BRD4: variants seen among roughly 807,000 people sequenced by gnomAD.
The protein encoded by BRD4 is bromodomain containing 4.
BRD4 carries 16 observed loss-of-function variants against 142.1 expected under a neutral mutation model. The ratio of observed to expected loss-of-function variants is 0.11; its 90% CI spans 0.08 to 0.17. BRD4 has a LOEUF of 0.17. Ranked by LOEUF, BRD4 falls within the 10% of genes least tolerant of loss-of-function variation. BRD4 has a pLI of 1.00. For missense variants in BRD4, 1,424 were observed against 1,810.9 expected, an observed-to-expected ratio of 0.79 and a Z score of 3.88; for synonymous variants, 833 against 707.5, an observed-to-expected ratio of 1.18 and a Z score of -2.82.
intron 1 of BRD4, among the ~76,000 whole-genome samples, chr19:15,329,483 G>C (rs1300343237): frequency 6.6e-6 from 1 of 152,172 alleles, no homozygotes; most frequent in Non-Finnish European, 1.5e-5. Flanking sequence ...GCTCATGCCT[G>C]TAAACCCAGT....
chr19:15,245,096 C>CT (rs570282029), intron 11 of BRD4: 89 of 420,720 alleles, frequency 2.1e-4, no homozygotes, highest in Non-Finnish European at 3.3e-4. Context: ...ACTATAGTGA[C>CT]TGAGTGCATG....
intron 14 of BRD4, among the ~76,000 whole-genome samples, chr19:15,241,749 G>A (rs1181550035): frequency 2.0e-5 from 3 of 152,002 alleles, no homozygotes; most frequent in African/African-American, 7.3e-5. Context: ...ATTTCCCAGG[G>A]AGGACAGGCA....
intron 1 of BRD4, among the ~76,000 whole-genome samples, chr19:15,292,700 C>T (rs1017276564): frequency 1.6e-4 from 22 of 141,784 alleles, no homozygotes; most frequent in African/African-American, 5.8e-4. Flanking sequence ...ATGGTATAAA[C>T]CTGGGAGGCG....
Position 15,237,571 on chromosome 19 carries a change from A to G in BRD4, c.*806T>C, listed in dbSNP as rs201350886. ...AGATAAGCAGTGCCATTGTGTCTGG[A>G]GGAGAAGAGAGAATTAAAAATAAAA... On this transcript the variant is annotated 3_prime_UTR_variant, in exon 20 of 20. Coordinates refer to ENST00000679869, the MANE Select transcript of BRD4 (RefSeq NM_001379291.1). 8 of 221,212 alleles carry G rather than the reference A, an allele frequency of 3.6e-5. No homozygotes were observed. Among genetic ancestry groups the G allele is most frequent in the Non-Finnish European group, 6.3e-5 (7 of 110,696 alleles). The allele number at this position is 221,212 out of a possible 1,614,324, so 13.7% of individuals were successfully genotyped here. A position where few individuals can be genotyped will look rare whatever the true frequency, so the allele number is the denominator to read the frequency against.
chr19:15,251,557 G>A (rs1022301271), intron 11 of BRD4, among the ~76,000 whole-genome samples: 1 of 150,728 alleles, frequency 6.6e-6, no homozygotes, highest in Non-Finnish European at 1.5e-5. Context: ...TGCCTGTAAC[G>A]GGCCATGGAC....
intron 1 of BRD4, among the ~76,000 whole-genome samples, chr19:15,283,958 A>G (rs1258665840): frequency 6.6e-6 from 1 of 152,040 alleles, no homozygotes; most frequent in Non-Finnish European, 1.5e-5. Context: ...GCCAAACTAG[A>G]CCTTTGATGG....
chr19:15,331,436 G>A (rs1162874930), intron 1 of BRD4, among the ~76,000 whole-genome samples: 2 of 152,154 alleles, frequency 1.3e-5, no homozygotes, highest in Admixed American at 6.5e-5. Context: ...ACACAACACT[G>A]CAAATAAAAT....
At chr19:15,272,664 A>G in intron 2 of BRD4, 151 bp downstream of exon 2, 1 of 670,060 alleles carries the variant, frequency 1.5e-6, no homozygotes, top group South Asian at 2.0e-5. Flanking sequence ...AACTGATCAG[A>G]ACTGCTGAAA....
At chr19:15,330,773 T>G (rs1048926351) in intron 1 of BRD4, among the ~76,000 whole-genome samples, 15 of 152,146 alleles carry the variant, frequency 9.9e-5, no homozygotes. Flanking sequence ...TCTAAAAGTA[T>G]ATGTATATAT....
At chr19:15,329,406 G>C (rs1303394163) in intron 1 of BRD4, among the ~76,000 whole-genome samples, 1 of 152,232 alleles carries the variant, frequency 6.6e-6, no homozygotes, top group South Asian at 2.1e-4. Context: ...TAACAGCCCA[G>C]GGTCTTCAAA....
At chr19:15,267,357 T>G in intron 4 of BRD4, 59 bp downstream of exon 4, 1 of 1,590,342 alleles carries the variant, frequency 6.3e-7, no homozygotes, top group East Asian at 2.2e-5. Context: ...CCCACCAAAC[T>G]TGGAAAAGGG....
chr19:15,248,551 G>A (rs963231030), intron 11 of BRD4: 4 of 224,012 alleles, frequency 1.8e-5, no homozygotes, highest in East Asian at 6.5e-5. Flanking sequence ...TTGAGAAGAC[G>A]GAGGCCAAAG....
At chr19:15,260,951 T>C (rs1419240832) in intron 7 of BRD4, among the ~76,000 whole-genome samples, 1 of 152,214 alleles carries the variant, frequency 6.6e-6, no homozygotes, top group Non-Finnish European at 1.5e-5. Context: ...TGCTTTTTCT[T>C]TTCTTTCTCT....
intron 1 of BRD4, among the ~76,000 whole-genome samples, chr19:15,294,851 G>A (rs1398025023): frequency 6.6e-6 from 1 of 152,174 alleles, no homozygotes; most frequent in African/African-American, 2.4e-5. Flanking sequence ...TGAAGTAGCA[G>A]GCAGTCAAGG....
chr19:15,297,962 G>C (rs946054990), intron 1 of BRD4, among the ~76,000 whole-genome samples: 5 of 152,198 alleles, frequency 3.3e-5, no homozygotes, highest in African/African-American at 1.2e-4. Context: ...GAAAGAAAAG[G>C]AAGCATTACA....
intron 1 of BRD4, among the ~76,000 whole-genome samples, chr19:15,301,284 C>T (rs1339300775): frequency 1.3e-5 from 2 of 152,210 alleles, no homozygotes; most frequent in African/African-American, 2.4e-5. Context: ...GCTGAGGAGC[C>T]GGACACGGTG....
At chr19:15,282,302 G>A (rs1193569182) in intron 1 of BRD4, among the ~76,000 whole-genome samples, 1 of 152,256 alleles carries the variant, frequency 6.6e-6, no homozygotes, top group African/African-American at 2.4e-5. Flanking sequence ...GTGAAGGTAA[G>A]AGAATGTGAT....
At chr19:15,278,277 G>A (rs139823604) in intron 1 of BRD4, among the ~76,000 whole-genome samples, 11 of 152,170 alleles carry the variant, frequency 7.2e-5, no homozygotes, top group African/African-American at 2.6e-4. Context: ...GGCCACACCT[G>A]TAATCCCAGC....
chr19:15,256,953 A>G lies in BRD4; in HGVS notation c.1551+11T>C. 1 of 1,555,114 alleles carries G rather than the reference A, an allele frequency of 6.4e-7. No individual in the cohort carries two copies. The highest frequency in any genetic ancestry group is 8.7e-7 in the Non-Finnish European group (1 of 1,149,570). Reference sequence around the variant, plus strand: ...TCTGGGGATTAAGAATGGAGCCACCAATGCCCTCACCTGCTCCTGGAGCTC... The same window carrying G: ...TCTGGGGATTAAGAATGGAGCCACCGATGCCCTCACCTGCTCCTGGAGCTC... On this transcript the variant is annotated intron_variant, in intron 8 of 19. Transcript: ENST00000679869.
Sources: allele counts gnomAD v4.1 joint callset (sites outside exome capture counted in the v4.1 genomes callset), GRCh38; gene constraint gnomAD v4.1.1; transcripts MANE v1.5; gene names NCBI Gene and HGNC (gene_info 2026-07-23, HGNC 2026-07-21).